PLB1: variants seen among roughly 807,000 people sequenced by gnomAD.
PLB1 encodes phospholipase B1, also known as phospholipase B1, membrane-associated.
A neutral mutation model predicts 227.4 loss-of-function variants in PLB1; 242 were observed. That is an observed-to-expected ratio of 1.06 (90% CI 0.96 to 1.18). The LOEUF is 1.18. Ranked by LOEUF, PLB1 falls within the 50% of genes most tolerant of loss-of-function variation. The pLI, the probability that PLB1 is intolerant of heterozygous loss-of-function variation, is 0.00. For missense variants in PLB1, 1,858 were observed against 1,816.3 expected (o/e 1.02, Z -0.42); for synonymous variants, 757 against 682.2 (o/e 1.11, Z -1.71).
chr2:28,600,615 A>T (rs1022246992), intron 35 of PLB1, among the ~76,000 whole-genome samples, 194 bp from the exon 36 acceptor site: 4 of 152,182 alleles, frequency 2.6e-5, no homozygotes, highest in African/African-American at 9.7e-5. Flanking sequence ...CAAACACATC[A>T]TTGGCTTTTC....
At chr2:28,523,426 G>C (rs1669807964) in intron 4 of PLB1, among the ~76,000 whole-genome samples, 2 of 149,422 alleles carry the variant, frequency 1.3e-5, no homozygotes, top group South Asian at 4.2e-4. Flanking sequence ...AATTCCTTGA[G>C]GGTAGAGCCT....
chr2:28,539,216 A>AGC, intron 11 of PLB1, 38 bp downstream of exon 11: 1 of 1,556,058 alleles, frequency 6.4e-7, no homozygotes, highest in Non-Finnish European at 8.9e-7. Context: ...CATCTGTGAC[A>AGC]CGGCTGTCAC....
chr2:28,591,898 TG>T, intron 31 of PLB1, 138 bp downstream of exon 31: 1 of 837,058 alleles, frequency 1.2e-6, no homozygotes, highest in Non-Finnish European at 1.9e-6. Context: ...GGTGGTCACC[TG>T]GGATGAGTCC....
chr2:28,640,539 G>A (rs1196323087), intron 56 of PLB1, among the ~76,000 whole-genome samples: 12 of 152,126 alleles, frequency 7.9e-5, no homozygotes, highest in African/African-American at 2.4e-4. Flanking sequence ...TAGGATTGTC[G>A]TCGTTTTATA....
intron 14 of PLB1, among the ~76,000 whole-genome samples, chr2:28,547,110 A>T (rs948339521): frequency 6.6e-6 from 1 of 151,702 alleles, no homozygotes; most frequent in Admixed American, 6.6e-5. Context: ...CTGAGGTGGG[A>T]GAATCACCGG....
intron 13 of PLB1, among the ~76,000 whole-genome samples, chr2:28,542,886 T>C (rs905805159): frequency 9.9e-5 from 15 of 152,138 alleles, no homozygotes; most frequent in Admixed American, 6.5e-5. Context: ...TTAGCTCACG[T>C]TCCCTTCCTT....
At position 28,632,924 on chromosome 2, in the gene PLB1, C is replaced by T. The variant is rs1012909050; in HGVS notation, c.4003-20C>T. The T allele has an allele frequency of 6.3e-7, 1 of 1,588,826 alleles. No homozygotes were observed. The highest frequency in any genetic ancestry group is 1.5e-5 in the African/African-American group (1 of 65,286). On this transcript the variant is annotated intron_variant, in intron 55 of 57. Coordinates refer to ENST00000327757, the MANE Select transcript of PLB1 (RefSeq NM_153021.5). Reference sequence around the variant, plus strand: ...CAGAGCCCTTTCCCAGGATGATAACCTCCTTGCCGTTGGTTGCAGAGAGGG... The same window carrying T: ...CAGAGCCCTTTCCCAGGATGATAACTTCCTTGCCGTTGGTTGCAGAGAGGG...
intron 43 of PLB1, among the ~76,000 whole-genome samples, chr2:28,609,716 C>A (rs1685172727): frequency 7.5e-6 from 1 of 133,874 alleles, no homozygotes; most frequent in Admixed American, 8.1e-5. Context: ...TTTGTCTTCC[C>A]AAACTCTCTG....
chr2:28,642,957 G>A lies in PLB1; in HGVS notation c.4273G>A (p.Gly1425Arg). Residue 1425 changes from glycine to arginine, a missense_variant, in exon 58 of 58, where the codon GGA becomes AGA. Physicochemically the swap from Gly to Arg is moderately radical, Grantham distance 125. Coordinates refer to ENST00000327757, the MANE Select transcript of PLB1 (RefSeq NM_153021.5). The stretch of plus-strand genomic sequence containing the variant: ...CTACTGGGCTGTCCCAGTGGCAGCG[G>A]GAGTCGGCCTTGTGGTGGGCATCAT... The part of the protein sequence containing the change: ...VLYWAVPVAA[G>R]VGLVVGIIGT... 6.2e-7 allele frequency: 1 copy of A among 1,609,516 alleles called. No homozygotes were observed. The highest frequency in any genetic ancestry group is 1.1e-5 in the South Asian group (1 of 89,918).
rs780640645 is a variant in PLB1, at chr2:28,643,033, C to T, written c.4349C>T (p.Pro1450Leu). Reference sequence around the variant, plus strand: ...AGAGGTGGCCGGAGGGAAGATCCTCCAATGAGCCTGCGCACTGTGGCCCTC... The same window carrying T: ...AGAGGTGGCCGGAGGGAAGATCCTCTAATGAGCCTGCGCACTGTGGCCCTC... Reference protein sequence around the residue: ...CRRGGRREDPPMSLRTVAL With the variant: ...CRRGGRREDPLMSLRTVAL Residue 1450 changes from proline to leucine, a missense_variant, in exon 58 of 58, where the codon CCA becomes CTA. Coordinates refer to ENST00000327757, the MANE Select transcript of PLB1 (RefSeq NM_153021.5). 3 of 1,608,952 alleles carry T rather than the reference C, an allele frequency of 1.9e-6. No individual in the cohort carries two copies. Among genetic ancestry groups the T allele is most frequent in the South Asian group, 1.1e-5 (1 of 89,916 alleles).
intron 20 of PLB1, among the ~76,000 whole-genome samples, chr2:28,570,566 G>A (rs1234741132): frequency 1.3e-5 from 2 of 152,118 alleles, no homozygotes; most frequent in Non-Finnish European, 2.9e-5. Flanking sequence ...TAGGTGGATC[G>A]CTTGAAGTCA....
Position 28,579,632 on chromosome 2 carries a change from A to G in PLB1, c.1491A>G (p.Ile497Met). The G allele has an allele frequency of 6.2e-7, 1 of 1,610,860 alleles. No homozygotes were observed. The highest frequency in any genetic ancestry group is 8.5e-7 in the Non-Finnish European group (1 of 1,177,162). The change falls in exon 23 of 58, where the codon ATA (isoleucine) becomes ATG (methionine). Residue 497 changes from isoleucine (I) to methionine (M), a missense_variant. Physicochemically the swap from Ile to Met is conservative, Grantham distance 10. Coordinates refer to ENST00000327757, the MANE Select transcript of PLB1 (RefSeq NM_153021.5). ...TGTGTTTCTATTCATTTCAGAGGAT[A>G]CACTTTCAGGAAGACTGGAAGATAA... ...LVDLMKNDTRIHFQEDWKIIT... is the reference protein window; with the variant it reads ...LVDLMKNDTRMHFQEDWKIIT...
chr2:28,531,953 C>T (rs997253082), intron 8 of PLB1, among the ~76,000 whole-genome samples, 155 bp from the exon 9 acceptor site: 9 of 152,128 alleles, frequency 5.9e-5, no homozygotes, highest in Non-Finnish European at 8.8e-5. Flanking sequence ...AGTTATACCA[C>T]TTTAAACTCC....
At chr2:28,531,749 T>C (rs1373064590) in intron 8 of PLB1, among the ~76,000 whole-genome samples, 1 of 152,248 alleles carries the variant, frequency 6.6e-6, no homozygotes, top group Non-Finnish European at 1.5e-5. Flanking sequence ...AGTCCCCTCT[T>C]TTGGACATTT....
chr2:28,629,311 G>A (rs746312081), intron 53 of PLB1, 126 bp downstream of exon 53: 28 of 720,218 alleles, frequency 3.9e-5, no homozygotes, highest in Non-Finnish European at 5.8e-5. Flanking sequence ...ATGGCTCAGG[G>A]GCTTGGACAA....
chr2:28,589,389 A>C, intron 26 of PLB1, 61 bp from the exon 27 acceptor site: 1 of 1,280,676 alleles, frequency 7.8e-7, no homozygotes, highest in Middle Eastern at 1.8e-4. Context: ...AAAGAGATCA[A>C]TCAAGGACCG....
At chr2:28,566,465 G>C (rs1386350246) in intron 19 of PLB1, 3 of 308,488 alleles carry the variant, frequency 9.7e-6, no homozygotes, top group Non-Finnish European at 1.8e-5. Context: ...GCACGCTGCA[G>C]TGGCTAGTTG....
chr2:28,635,230 A>G (rs1473739009), intron 56 of PLB1, among the ~76,000 whole-genome samples: 1 of 152,196 alleles, frequency 6.6e-6, no homozygotes, highest in Non-Finnish European at 1.5e-5. Context: ...TAATGTTTTC[A>G]TCCAAAGCCA....
chr2:28,625,389 C>T (rs759623984), intron 50 of PLB1, among the ~76,000 whole-genome samples: 1 of 152,206 alleles, frequency 6.6e-6, no homozygotes, highest in Non-Finnish European at 1.5e-5. Context: ...CCTGCTTTAA[C>T]CAAGAGGTGG....
Sources: gnomAD v4.1 joint callset for allele counts (sites outside exome capture counted in the v4.1 genomes callset) on GRCh38, gnomAD v4.1.1 for gene constraint, MANE v1.5 for transcripts, NCBI Gene and HGNC (gene_info 2026-07-23, HGNC 2026-07-21) for gene names.